RAPGEF4: variants seen among roughly 807,000 people sequenced by gnomAD.
RAPGEF4 encodes the protein RAP guanine-nucleotide-exchange factor (GEF) 4.
A neutral mutation model predicts 147.9 loss-of-function variants in RAPGEF4; 66 were observed. The ratio of observed to expected loss-of-function variants is 0.45; its 90% confidence interval spans 0.37 to 0.55. The LOEUF is 0.55. Among genes scored for constraint, RAPGEF4 ranks in the 20% least tolerant of loss-of-function variants. The pLI, the probability that RAPGEF4 is intolerant of heterozygous loss-of-function variation, is 0.00. For synonymous variants in RAPGEF4, 419 were observed against 442.7 expected, an observed-to-expected ratio of 0.95 and a Z score of 0.67; for missense variants, 1,071 against 1,257.3, an observed-to-expected ratio of 0.85 and a Z score of 2.24.
intron 4 of RAPGEF4, among the ~76,000 whole-genome samples, chr2:172,827,068 T>C (rs1689748609): frequency 6.6e-6 from 1 of 152,204 alleles, no homozygotes; most frequent in Non-Finnish European, 1.5e-5. Context: ...CATCCACATT[T>C]TCTTTCCTTC....
At chr2:173,033,169 T>C (rs1039660382) in intron 26 of RAPGEF4, among the ~76,000 whole-genome samples, 8 of 152,218 alleles carry the variant, frequency 5.3e-5, no homozygotes, top group African/African-American at 1.9e-4. Context: ...GATAGAACTA[T>C]CCAATTTTGT....
At chr2:172,871,304 G>T (rs909964450) in intron 4 of RAPGEF4, among the ~76,000 whole-genome samples, 1 of 152,196 alleles carries the variant, frequency 6.6e-6, no homozygotes, top group African/African-American at 2.4e-5. Flanking sequence ...AGGTGTGGAG[G>T]CCCTTGGCAG....
At chr2:172,976,410 G>T (rs1691070518) in intron 10 of RAPGEF4, among the ~76,000 whole-genome samples, 1 of 152,186 alleles carries the variant, frequency 6.6e-6, no homozygotes, top group African/African-American at 2.4e-5. Flanking sequence ...GGAAGTGGAA[G>T]AAGCGAGATC....
At chr2:172,812,190 G>A (rs1688089489) in intron 3 of RAPGEF4, among the ~76,000 whole-genome samples, 2 of 152,176 alleles carry the variant, frequency 1.3e-5, no homozygotes, top group Non-Finnish European at 2.9e-5. Context: ...TTGAGTGGAC[G>A]CAGTGTGAAA....
At chr2:172,773,646 C>CTCCCTGCCCCACACTG (rs1683863178) in intron 1 of RAPGEF4, among the ~76,000 whole-genome samples, 2 of 151,492 alleles carry the variant, frequency 1.3e-5, no homozygotes. Flanking sequence ...CCCACACTGC[C>CTCCCTGCCCCACACTG]CCCCCCGCGG....
At chr2:172,973,883 A>G (rs771263651) in intron 10 of RAPGEF4, among the ~76,000 whole-genome samples, 3 of 152,158 alleles carry the variant, frequency 2.0e-5, no homozygotes, top group Admixed American at 6.5e-5. Context: ...ATGAAGTGAA[A>G]ATACTACTGA....
intron 4 of RAPGEF4, among the ~76,000 whole-genome samples, chr2:172,855,764 A>G (rs545321572): frequency 1.3e-5 from 2 of 152,300 alleles, no homozygotes; most frequent in South Asian, 4.1e-4. Context: ...TTGGTATTTT[A>G]ATGATGTCAT....
At position 172,943,350 on chromosome 2, in the gene RAPGEF4, C is replaced by T. The variant is rs572394312; in HGVS notation, c.538-17410C>T. On this transcript the variant is annotated intron_variant, in intron 6 of 30. Coordinates refer to ENST00000397081, the MANE Select transcript of RAPGEF4 (RefSeq NM_007023.4). ...ACTTTAAGGGGAAGGTAAGCAAGGA[C>T]TCTTTCCTCAGAGGGCAGCAGACAG... Among the ~76,000 whole-genome samples the T allele has an allele frequency of 8.1e-4, 123 of 152,112 alleles. 1 individual carries two copies. The highest frequency in any genetic ancestry group is 5.4e-4 in the Non-Finnish European group (37 of 68,004).
intron 6 of RAPGEF4, among the ~76,000 whole-genome samples, chr2:172,926,107 G>A (rs1323617052): frequency 2.0e-5 from 3 of 150,844 alleles, no homozygotes; most frequent in Non-Finnish European, 4.4e-5. Context: ...AAGAAGGAAG[G>A]AAGCAAAACC....
At chr2:172,902,895 A>T (rs1484482048) in intron 4 of RAPGEF4, among the ~76,000 whole-genome samples, 1 of 152,224 alleles carries the variant, frequency 6.6e-6, no homozygotes, top group African/African-American at 2.4e-5. Flanking sequence ...TATTACGGTG[A>T]TTCCTACTAC....
At chr2:172,819,658 G>C (rs1225979455) in intron 4 of RAPGEF4, among the ~76,000 whole-genome samples, 2 of 151,184 alleles carry the variant, frequency 1.3e-5, no homozygotes. Context: ...GTAGAGACGG[G>C]GTTTCACCGT....
chr2:173,045,327 C>T (rs1040493868), intron 29 of RAPGEF4, among the ~76,000 whole-genome samples: 1 of 152,146 alleles, frequency 6.6e-6, no homozygotes, highest in African/African-American at 2.4e-5. Context: ...ACTGTAGGCC[C>T]AGTATAGCAT....
At chr2:172,823,271 G>C (rs113801250) in intron 4 of RAPGEF4, among the ~76,000 whole-genome samples, 1,768 of 152,314 alleles carry the variant, frequency 0.012, 36 homozygotes, top group African/African-American at 0.038. Flanking sequence ...CCACAGAAAA[G>C]GGGCTGGGCT....
chr2:172,756,560 G>T (rs137997350), intron 1 of RAPGEF4, among the ~76,000 whole-genome samples: 100 of 152,256 alleles, frequency 6.6e-4, no homozygotes, highest in African/African-American at 2.3e-3. Context: ...CCTTGGACAG[G>T]AGTCCTCTTG....
rs1347810650 is a variant in RAPGEF4 at position 172,968,430 on chromosome 2, G to T, written c.1004+986G>T. ...CCTCAGGCCAGCCTCCCCAGAGGCT[G>T]CCCCTCAGACCAACCCACAGTAGCC... On this transcript the variant is annotated intron_variant, in intron 10 of 30. Transcript: ENST00000397081. 2.0e-5 allele frequency among the ~76,000 whole-genome samples: 3 copies of T among 152,236 alleles called. No individual in the cohort carries two copies. In the East Asian group the frequency reaches 5.8e-4, roughly 30 times the overall value.
chr2:172,814,608 C>CT (rs1430805019), intron 4 of RAPGEF4, 183 bp downstream of exon 4: 71 of 666,714 alleles, frequency 1.1e-4, no homozygotes, highest in Middle Eastern at 2.9e-4. Context: ...ACAAGACATC[C>CT]TTTTTTTTGT....
intron 1 of RAPGEF4, among the ~76,000 whole-genome samples, chr2:172,738,072 A>G (rs916356237): frequency 1.3e-5 from 2 of 152,146 alleles, no homozygotes; most frequent in Non-Finnish European, 2.9e-5. Flanking sequence ...CTTGTTTTGA[A>G]GTTGTGTTTT....
At chr2:173,039,258 C>A (rs970356642) in intron 29 of RAPGEF4, among the ~76,000 whole-genome samples, 1 of 151,310 alleles carries the variant, frequency 6.6e-6, no homozygotes, top group Non-Finnish European at 1.5e-5. Context: ...GAGATCGAGA[C>A]CATCCTGACG....
chr2:172,917,109 C>A (rs539887593), intron 4 of RAPGEF4, among the ~76,000 whole-genome samples: 1 of 152,306 alleles, frequency 6.6e-6, no homozygotes, highest in South Asian at 2.1e-4. Flanking sequence ...CAAGCCTTAT[C>A]CCTCCTAAAC....
Sources: gnomAD v4.1 joint callset for allele counts (sites outside exome capture counted in the v4.1 genomes callset) on GRCh38, gnomAD v4.1.1 for gene constraint, MANE v1.5 for transcripts, NCBI Gene and HGNC (gene_info 2026-07-23, HGNC 2026-07-21) for gene names.